Variants in NRG1 observed in about 807,000 individuals in gnomAD.
The protein encoded by NRG1 is pro-neuregulin-1, membrane-bound isoform.
In NRG1, 18 loss-of-function variants were observed where a neutral mutation model predicts 63.8. The observed-to-expected ratio is 0.28, with a 90% CI of 0.19 to 0.42. The LOEUF (loss-of-function observed/expected upper bound fraction) is 0.42. NRG1 is among the 10% of genes least tolerant of loss of function. The probability of loss-of-function intolerance (pLI) is 1.00; values close to 1 mark genes in which losing one functional copy is unlikely to be tolerated. For synonymous variants in NRG1, 302 were observed against 301.3 expected (o/e 1.00, Z -0.02); for missense variants, 762 against 814.7 (o/e 0.94, Z 0.79).
At chr8:32,346,834 CTT>C (rs113955833) in intron 1 of NRG1, among the ~76,000 whole-genome samples, 2 of 144,796 alleles carry the variant, frequency 1.4e-5, no homozygotes, top group African/African-American at 2.5e-5. Flanking sequence ...TTTATCTTAT[CTT>C]TTTTTTTTTT....
At chr8:32,406,931 T>C (rs1450714656) in intron 1 of NRG1, among the ~76,000 whole-genome samples, 1 of 151,876 alleles carries the variant, frequency 6.6e-6, no homozygotes, top group African/African-American at 2.4e-5. Flanking sequence ...TAAAGAGAAG[T>C]TTGGAGAGAG....
intron 1 of NRG1, among the ~76,000 whole-genome samples, chr8:31,932,222 C>T (rs1834926974): frequency 6.6e-6 from 1 of 152,110 alleles, no homozygotes; most frequent in South Asian, 2.1e-4. Flanking sequence ...GTGAAATATG[C>T]TTCGTAAATA....
At chr8:31,801,275 G>A (rs920133050) in intron 1 of NRG1, among the ~76,000 whole-genome samples, 8 of 152,156 alleles carry the variant, frequency 5.3e-5, no homozygotes, top group African/African-American at 1.9e-4. Context: ...AAAACAGCCA[G>A]TTTTGTAGAT....
In NRG1 at chr8:32,567,934, G is replaced by T. The variant is rs559958755; in HGVS notation, c.100+19108G>T. On this transcript the variant is annotated intron_variant, in intron 1 of 11. Transcript: ENST00000356819. ...GTGATAATTATGAAGGGAGAAGGGGGAAGAACAGCTGCAGAATGCAGGGAA... is the reference window on the plus strand; with the variant it reads ...GTGATAATTATGAAGGGAGAAGGGGTAAGAACAGCTGCAGAATGCAGGGAA... Among the ~76,000 whole-genome samples the T allele has an allele frequency of 3.9e-5, 6 of 152,340 alleles. No individual in the cohort carries two copies. The South Asian group carries it at 1.2e-3, about 32-fold the overall frequency.
chr8:31,755,759 T>G (rs1036382665), intron 1 of NRG1, among the ~76,000 whole-genome samples: 14 of 152,230 alleles, frequency 9.2e-5, no homozygotes, highest in African/African-American at 3.4e-4. Context: ...GGCTGTCCAC[T>G]GTTATGAGAG....
chr8:32,764,009 C>T, exon 12 of NRG1: 1 of 1,614,122 alleles, frequency 6.2e-7, no homozygotes, highest in South Asian at 1.1e-5. Context: ...ATGACAGTAA[C>T]AGCCTCCCTG....
rs558313347 is a variant in NRG1, at chr8:32,647,014, A to G, written c.502+30129A>G. The G allele has an allele frequency of 7.1e-6, 7 of 984,638 alleles. No homozygotes were observed. In the South Asian group the frequency reaches 3.3e-4, roughly 46 times the overall value. The allele number at this position is 984,638 out of a possible 1,614,324, so 61.0% of individuals were successfully genotyped here. The stretch of plus-strand genomic sequence containing the variant: ...GAGGAAGAAAGTGAATGAGCACTCA[A>G]GAAGGACAAAGAGGAGTAGTCGGGG... On this transcript the variant is annotated intron_variant, in intron 5 of 11. Coordinates refer to ENST00000356819, the Ensembl canonical transcript of NRG1.
chr8:32,727,549 T>C (rs1257588449), intron 5 of NRG1, among the ~76,000 whole-genome samples: 1 of 152,212 alleles, frequency 6.6e-6, no homozygotes, highest in Non-Finnish European at 1.5e-5. Flanking sequence ...ATTTTATCAA[T>C]TGATTGCCAT....
intron 1 of NRG1, among the ~76,000 whole-genome samples, chr8:31,735,747 C>G (rs545743412): frequency 6.6e-6 from 1 of 152,196 alleles, no homozygotes; most frequent in Admixed American, 6.5e-5. Flanking sequence ...AACTGCTGCT[C>G]ACTCGCTAAT....
intron 1 of NRG1, among the ~76,000 whole-genome samples, chr8:32,200,780 C>T (rs923183537): frequency 6.6e-6 from 1 of 152,204 alleles, no homozygotes; most frequent in African/African-American, 2.4e-5. Context: ...CGTTTGCATT[C>T]CATCACCTCC....
intron 1 of NRG1, among the ~76,000 whole-genome samples, chr8:32,528,386 A>C (rs1014257336): frequency 6.6e-6 from 1 of 152,192 alleles, no homozygotes; most frequent in Admixed American, 6.5e-5. Context: ...GGATATGTGC[A>C]CCAGTTGTTG....
intron 1 of NRG1, among the ~76,000 whole-genome samples, chr8:31,816,421 T>G (rs1264796554): frequency 6.6e-6 from 1 of 152,228 alleles, no homozygotes. Context: ...TTGTAATTCC[T>G]TCTTCCTTTC....
chr8:32,080,948 G>C (rs926027160), intron 1 of NRG1, among the ~76,000 whole-genome samples: 2 of 152,054 alleles, frequency 1.3e-5, no homozygotes, highest in Admixed American at 6.6e-5. Flanking sequence ...AAGTTCATAA[G>C]ATTTCTGTTG....
chr8:32,604,298 AC>A (rs1844883597), intron 2 of NRG1, among the ~76,000 whole-genome samples: 1 of 152,172 alleles, frequency 6.6e-6, no homozygotes, highest in Non-Finnish European at 1.5e-5. Flanking sequence ...CAGGGGGTCT[AC>A]ATGTGGAACT....
At chr8:31,866,471 C>G (rs551646621) in intron 1 of NRG1, among the ~76,000 whole-genome samples, 1 of 152,004 alleles carries the variant, frequency 6.6e-6, no homozygotes, top group Non-Finnish European at 1.5e-5. Flanking sequence ...AAGAGGGATA[C>G]AATTTGTTGA....
Position 32,754,528 on chromosome 8 carries a change from A to G in NRG1, c.794+54A>G, listed in dbSNP as rs1829323182. On this transcript the variant is annotated intron_variant, in intron 8 of 11. Coordinates refer to ENST00000356819, the Ensembl canonical transcript of NRG1. Reference sequence around the variant, plus strand: ...TCTCCTTCATGCAGAGACAGCTTAGATGGCCAGGGCTTTGCAGAATCTGAG... The same window carrying G: ...TCTCCTTCATGCAGAGACAGCTTAGGTGGCCAGGGCTTTGCAGAATCTGAG... The G allele has an allele frequency of 1.4e-5, 22 of 1,535,152 alleles. No individual in the cohort carries two copies. The South Asian group carries it at 2.3e-4, about 16-fold the overall frequency.
intron 1 of NRG1, among the ~76,000 whole-genome samples, chr8:32,279,111 C>T (rs532478183): frequency 1.3e-5 from 2 of 152,234 alleles, no homozygotes; most frequent in East Asian, 3.9e-4. Context: ...TAGAGAAGCC[C>T]CAGAGACGCT....
chr8:32,173,980 C>A (rs1489698326), intron 1 of NRG1, among the ~76,000 whole-genome samples: 1 of 152,100 alleles, frequency 6.6e-6, no homozygotes, highest in African/African-American at 2.4e-5. Context: ...CAGCTCTGCA[C>A]CAAGCAGACC....
intron 1 of NRG1, among the ~76,000 whole-genome samples, chr8:31,783,919 C>T (rs1378759659): frequency 2.0e-5 from 3 of 152,164 alleles, no homozygotes; most frequent in Non-Finnish European, 4.4e-5. Flanking sequence ...GTGCTACTAA[C>T]CTTCCATACA....
Sources: allele counts gnomAD v4.1 joint callset (sites outside exome capture counted in the v4.1 genomes callset), GRCh38; gene constraint gnomAD v4.1.1; transcripts MANE v1.5; gene names NCBI Gene and HGNC (gene_info 2026-07-23, HGNC 2026-07-21).